COL11A1: variants seen among roughly 807,000 people sequenced by gnomAD.
COL11A1 encodes the protein collagen type XI alpha 1 chain, also known as collagen alpha-1(XI) chain.
COL11A1 carries 74 observed loss-of-function variants against 265.2 expected under a neutral mutation model. The ratio of observed to expected loss-of-function variants is 0.28; its 90% CI spans 0.23 to 0.34. The LOEUF (loss-of-function observed/expected upper bound fraction) is 0.34, where lower values mean the gene tolerates loss of function less well. COL11A1 is among the 10% of genes least tolerant of loss of function. The pLI, the probability that COL11A1 is intolerant of heterozygous loss-of-function variation, is 1.00. For synonymous variants in COL11A1, 816 were observed against 727.6 expected (o/e 1.12, Z -1.96); for missense variants, 2,165 against 2,263.6 (o/e 0.96, Z 0.88).
intron 4 of COL11A1, among the ~76,000 whole-genome samples, chr1:103,060,134 T>A (rs1418226891): frequency 1.3e-5 from 2 of 152,108 alleles, no homozygotes; most frequent in Non-Finnish European, 2.9e-5. Flanking sequence ...AACTTACCTA[T>A]ACAAGCGAAG....
intron 46 of COL11A1, among the ~76,000 whole-genome samples, chr1:102,929,725 C>T (rs1385946267): frequency 6.6e-6 from 1 of 151,980 alleles, no homozygotes; most frequent in East Asian, 1.9e-4. Context: ...TACCCATTTG[C>T]ATGGAATGTT....
At chr1:103,066,594 C>A (rs1173902684) in intron 4 of COL11A1, among the ~76,000 whole-genome samples, 3 of 140,070 alleles carry the variant, frequency 2.1e-5, no homozygotes, top group Admixed American at 7.0e-5. Context: ...AAAGGAAGAA[C>A]AAAGAATCAG....
chr1:102,905,515 T>TAA (rs35687179), intron 54 of COL11A1, among the ~76,000 whole-genome samples: 4,447 of 140,072 alleles, frequency 0.032, 123 homozygotes, highest in East Asian at 0.11. Flanking sequence ...CCATATAAGT[T>TAA]AAAAAAAAAA....
intron 42 of COL11A1, among the ~76,000 whole-genome samples, chr1:102,944,713 T>G (rs1659074432): frequency 6.6e-6 from 1 of 152,194 alleles, no homozygotes; most frequent in African/African-American, 2.4e-5. Context: ...AAGGTTTTTA[T>G]CCACTTTAAA....
intron 42 of COL11A1, among the ~76,000 whole-genome samples, chr1:102,944,003 C>T (rs1219400217): frequency 6.6e-6 from 1 of 152,020 alleles, no homozygotes; most frequent in East Asian, 1.9e-4. Flanking sequence ...TTTCCAGACT[C>T]ACCTCCTAGA....
At position 102,890,965 on chromosome 1, in the gene COL11A1, T is replaced by C. The variant is rs191134649; in HGVS notation, c.4303-461A>G. On this transcript the variant is annotated intron_variant, in intron 57 of 66. Coordinates refer to ENST00000370096, the MANE Select transcript of COL11A1 (RefSeq NM_001854.4). ...ACAGGAAAAAAAATAGACAAAATTT[T>C]AATACACTGTTTGGTTTGTATTTAA... is the stretch of plus-strand genomic sequence containing the variant. Among the ~76,000 whole-genome samples the C allele has an allele frequency of 8.7e-4, 132 of 152,248 alleles. 1 individual carries two copies. Among genetic ancestry groups the C allele is most frequent in the African/African-American group, 3.1e-3 (128 of 41,578 alleles).
intron 54 of COL11A1, among the ~76,000 whole-genome samples, chr1:102,901,734 T>C (rs1653231192): frequency 1.3e-5 from 2 of 152,202 alleles, no homozygotes; most frequent in Non-Finnish European, 1.5e-5. Context: ...TAACAGATTT[T>C]TCTACTCAAG....
At chr1:102,967,782 T>A (rs555474592) in intron 37 of COL11A1, among the ~76,000 whole-genome samples, 1 of 152,332 alleles carries the variant, frequency 6.6e-6, no homozygotes, top group South Asian at 2.1e-4. Context: ...AATTCCAAAC[T>A]TTTTAAAAAA....
intron 46 of COL11A1, among the ~76,000 whole-genome samples, chr1:102,926,690 A>G (rs1008435021): frequency 6.6e-6 from 1 of 152,190 alleles, no homozygotes; most frequent in Non-Finnish European, 1.5e-5. Flanking sequence ...TGTTTATTGA[A>G]TATTTTATAA....
At chr1:103,006,823 C>G (rs780954410) in intron 15 of COL11A1, among the ~76,000 whole-genome samples, 3 of 151,678 alleles carry the variant, frequency 2.0e-5, no homozygotes, top group Non-Finnish European at 4.4e-5. Flanking sequence ...CCACCGCGCC[C>G]GGCCCTTATC....
At chr1:103,079,573 AC>A (rs1265193802) in intron 2 of COL11A1, among the ~76,000 whole-genome samples, 5 of 152,100 alleles carry the variant, frequency 3.3e-5, no homozygotes, top group African/African-American at 1.2e-4. Context: ...TTAAACAATT[AC>A]CCTAAGTATA....
At chr1:103,012,551 C>T in intron 13 of COL11A1, 82 bp from the exon 14 acceptor site, 1 of 1,025,366 alleles carries the variant, frequency 9.8e-7, no homozygotes, top group Non-Finnish European at 1.5e-6. Flanking sequence ...CACAAGCTGC[C>T]CTTAAGTAAT....
At chr1:103,080,079 C>T (rs558862465) in intron 2 of COL11A1, among the ~76,000 whole-genome samples, 1 of 151,722 alleles carries the variant, frequency 6.6e-6, no homozygotes, top group South Asian at 2.1e-4. Flanking sequence ...AAATAAAATA[C>T]AAATATGTAT....
chr1:102,921,961 T>C (rs922821988), intron 47 of COL11A1, among the ~76,000 whole-genome samples: 4 of 152,232 alleles, frequency 2.6e-5, no homozygotes, highest in Non-Finnish European at 5.9e-5. Context: ...TCAATAGAAG[T>C]ATTTTTTGTT....
intron 54 of COL11A1, among the ~76,000 whole-genome samples, chr1:102,905,339 G>T (rs1319534349): frequency 6.7e-6 from 1 of 149,882 alleles, no homozygotes; most frequent in Non-Finnish European, 1.5e-5. Context: ...AAACCTACAG[G>T]TTGTGCACAT....
intron 4 of COL11A1, among the ~76,000 whole-genome samples, chr1:103,047,706 T>A (rs1423476784): frequency 6.6e-6 from 1 of 151,600 alleles, no homozygotes; most frequent in Non-Finnish European, 1.5e-5. Flanking sequence ...ATGCTTCCAG[T>A]TTTTGCCCAT....
rs771888200 is a variant in COL11A1 at position 102,934,541 on chromosome 1, G to A, written c.3508C>T (p.Pro1170Ser). The change falls in exon 46 of 67, where the codon CCA becomes TCA. Residue 1170 changes from proline to serine, a missense_variant. Transcript: ENST00000370096. ...APGIAGGDGE[P>S]GPRGQQGMFG... Reference sequence around the variant, plus strand: ...ATCCCCTGCTGTCCTCTAGGACCTGGTTCACCATCACCTCCCTAGAGAAGA... The same window carrying A: ...ATCCCCTGCTGTCCTCTAGGACCTGATTCACCATCACCTCCCTAGAGAAGA... The A allele has an allele frequency of 2.5e-6, 4 of 1,613,640 alleles. No homozygotes were observed. The highest frequency in any genetic ancestry group is 3.4e-6 in the Non-Finnish European group (4 of 1,179,634).
At chr1:102,977,306 T>C (rs1036725599) in intron 35 of COL11A1, among the ~76,000 whole-genome samples, 12 of 152,184 alleles carry the variant, frequency 7.9e-5, no homozygotes, top group African/African-American at 2.9e-4. Context: ...ATAGGAAATA[T>C]GTTCTTCCTG....
intron 1 of COL11A1, among the ~76,000 whole-genome samples, chr1:103,101,828 C>G (rs1428114259): frequency 6.6e-6 from 1 of 151,684 alleles, no homozygotes; most frequent in Non-Finnish European, 1.5e-5. Flanking sequence ...TCTCAATTGT[C>G]AAGTCGTATT....
Sources: gnomAD v4.1 joint callset for allele counts (sites outside exome capture counted in the v4.1 genomes callset) on GRCh38, gnomAD v4.1.1 for gene constraint, MANE v1.5 for transcripts, NCBI Gene and HGNC (gene_info 2026-07-23, HGNC 2026-07-21) for gene names.